KALRN: variants seen among roughly 807,000 people sequenced by gnomAD.
The protein encoded by KALRN is kalirin RhoGEF kinase.
KALRN carries 70 observed loss-of-function variants against 353.7 expected under a neutral mutation model. That is an observed-to-expected ratio of 0.20 (90% confidence interval 0.16 to 0.24). KALRN has a LOEUF of 0.24. Ranked by LOEUF, KALRN falls within the 10% of genes least tolerant of loss-of-function variation. The pLI is 1.00. For synonymous variants in KALRN, 1,391 were observed against 1,434.8 expected, an observed-to-expected ratio of 0.97 and a Z score of 0.69; for missense variants, 2,791 against 3,756.7, an observed-to-expected ratio of 0.74 and a Z score of 6.72.
chr3:124,188,165 C>A (rs542636429), intron 1 of KALRN, among the ~76,000 whole-genome samples: 1 of 152,126 alleles, frequency 6.6e-6, no homozygotes, highest in African/African-American at 2.4e-5. Flanking sequence ...CTTAAACGTA[C>A]GCAAGAATCA....
At chr3:124,199,166 T>G (rs1442976593) in intron 1 of KALRN, among the ~76,000 whole-genome samples, 1 of 152,214 alleles carries the variant, frequency 6.6e-6, no homozygotes, top group Non-Finnish European at 1.5e-5. Context: ...GATACTGCAG[T>G]GCATGCCTGA....
intron 21 of KALRN, among the ~76,000 whole-genome samples, chr3:124,451,998 T>C (rs2058833042): frequency 6.6e-6 from 1 of 152,190 alleles, no homozygotes; most frequent in Non-Finnish European, 1.5e-5. Context: ...TTATTTCTAG[T>C]CCCCTATTTA....
chr3:124,422,393 A>C (rs928950711), intron 14 of KALRN, among the ~76,000 whole-genome samples: 11 of 152,058 alleles, frequency 7.2e-5, no homozygotes, highest in African/African-American at 2.7e-4. Flanking sequence ...TAAAAAAAAA[A>C]GTGTGTCATT....
chr3:124,552,892 A>G lies in KALRN; in HGVS notation c.4936-9951A>G, dbSNP rs182280466. Among the ~76,000 whole-genome samples the G allele has an allele frequency of 2.4e-3, 359 of 152,168 alleles. 2 individuals carry two copies. Among genetic ancestry groups the G allele is most frequent in the African/African-American group, 7.7e-3 (318 of 41,530 alleles). The stretch of plus-strand genomic sequence containing the variant: ...GTGATTCTCCCACCTCAGCCTCCCA[A>G]GTAGCTGGGATTGCAGGCGCCCGCC... On this transcript the variant is annotated intron_variant, in intron 33 of 59. Transcript: ENST00000682506.
chr3:124,269,402 C>T (rs1237645986), intron 5 of KALRN, 147 bp downstream of exon 5: 3 of 806,316 alleles, frequency 3.7e-6, no homozygotes, highest in African/African-American at 3.5e-5. Flanking sequence ...TTTTTTTAAG[C>T]TCACCCTTAT....
At chr3:124,304,690 G>A (rs1349474124) in intron 6 of KALRN, among the ~76,000 whole-genome samples, 1 of 152,178 alleles carries the variant, frequency 6.6e-6, no homozygotes, top group Non-Finnish European at 1.5e-5. Flanking sequence ...AATAAGAACA[G>A]TGAGCCTGTG....
At chr3:124,054,719 C>T (rs2041365520) in intron 1 of KALRN, among the ~76,000 whole-genome samples, 2 of 152,146 alleles carry the variant, frequency 1.3e-5, no homozygotes, top group Non-Finnish European at 2.9e-5. Context: ...ACTATATTGT[C>T]CACTGATGAA....
intron 1 of KALRN, among the ~76,000 whole-genome samples, chr3:124,222,608 G>A (rs961814868): frequency 6.6e-6 from 1 of 152,090 alleles, no homozygotes; most frequent in Non-Finnish European, 1.5e-5. Flanking sequence ...TGTGTGTGTG[G>A]TGGGGGCTGT....
intron 1 of KALRN, among the ~76,000 whole-genome samples, chr3:124,154,256 G>A (rs566582052): frequency 2.0e-5 from 3 of 152,274 alleles, no homozygotes; most frequent in Admixed American, 6.5e-5. Flanking sequence ...GGAAGTTCTG[G>A]CCAGGGCAAT....
chr3:124,170,414 A>C (rs1422244398), intron 1 of KALRN, among the ~76,000 whole-genome samples: 13 of 152,232 alleles, frequency 8.5e-5, no homozygotes, highest in Admixed American at 7.9e-4. Context: ...ACTGAGGCTC[A>C]GAGATGTGAA....
At chr3:124,388,856 A>G (rs2088870827) in intron 11 of KALRN, among the ~76,000 whole-genome samples, 1 of 152,182 alleles carries the variant, frequency 6.6e-6, no homozygotes, top group Non-Finnish European at 1.5e-5. Flanking sequence ...CTCAAGACTC[A>G]TCACCTCTTA....
rs1485404830 is a variant in KALRN, at chr3:124,661,896, A to G, written c.6313A>G (p.Met2105Val). 14 of 1,614,034 alleles carry G rather than the reference A, an allele frequency of 8.7e-6. No homozygotes were observed. Among genetic ancestry groups the G allele is most frequent in the Non-Finnish European group, 1.2e-5 (14 of 1,180,012 alleles). ...CCTTGTTCCCAAACGCTGCAATGAC[A>G]TGATGAATCTAGGACGTCTGCAGGG... The part of the protein sequence containing the change: ...MCLVPKRCND[M>V]MNLGRLQGFE... The change falls in exon 45 of 60, where the codon ATG becomes GTG. Residue 2105 changes from methionine to valine, a missense_variant. This residue lies in a region of KALRN where 1,065 missense variants were observed against 1,156.4 expected (regional missense o/e 0.92). Coordinates refer to ENST00000682506, the MANE Select transcript of KALRN (RefSeq NM_001388419.1).
rs1357868637 is a variant in KALRN at position 124,474,699 on chromosome 3, G to C, written c.4068G>C (p.Leu1356=). ...AAGAGCTGGAGAAGTACGAGCAACTGCCTGAGGATGTGGGACACTGCTTTG... is the reference window on the plus strand; with the variant it reads ...AAGAGCTGGAGAAGTACGAGCAACTCCCTGAGGATGTGGGACACTGCTTTG... ...FLKELEKYEQ[L]PEDVGHCFVT... The change falls in exon 26 of 60, where the codon CTG becomes CTC. Residue 1356 remains leucine, a synonymous_variant. Coordinates refer to ENST00000682506, the MANE Select transcript of KALRN (RefSeq NM_001388419.1). 3 of 1,614,112 alleles carry C rather than the reference G, an allele frequency of 1.9e-6. No homozygotes were observed. The South Asian group carries it at 3.3e-5, about 18-fold the overall frequency.
At chr3:124,129,154 T>G (rs1043710812) in intron 1 of KALRN, among the ~76,000 whole-genome samples, 2 of 152,158 alleles carry the variant, frequency 1.3e-5, no homozygotes, top group Admixed American at 1.3e-4. Context: ...CAGGCAGCTT[T>G]TGTTTGAGGA....
chr3:124,343,430 G>T (rs757401921), intron 9 of KALRN, among the ~76,000 whole-genome samples: 10 of 152,130 alleles, frequency 6.6e-5, no homozygotes, highest in Admixed American at 3.9e-4. Flanking sequence ...AAAGGGACAG[G>T]ATTACAGGCA....
chr3:124,323,564 C>A (rs927728671), intron 6 of KALRN, among the ~76,000 whole-genome samples: 4 of 152,128 alleles, frequency 2.6e-5, no homozygotes, highest in Non-Finnish European at 5.9e-5. Flanking sequence ...CTAGAAAGTT[C>A]TTCCTAAAAG....
intron 21 of KALRN, among the ~76,000 whole-genome samples, chr3:124,450,025 G>A (rs9814073): frequency 0.027 from 4,071 of 152,274 alleles, 190 homozygotes; most frequent in African/African-American, 0.09. Flanking sequence ...AAGTTTTGGC[G>A]TGAACAGATG....
intron 34 of KALRN, among the ~76,000 whole-genome samples, chr3:124,613,375 C>A (rs2078218289): frequency 1.3e-5 from 2 of 152,166 alleles, no homozygotes; most frequent in South Asian, 4.1e-4. Flanking sequence ...CTTTCTCTAG[C>A]AGCTTAGTGG....
intron 5 of KALRN, among the ~76,000 whole-genome samples, chr3:124,271,807 C>T (rs2074193940): frequency 2.6e-5 from 4 of 152,250 alleles, no homozygotes; most frequent in Admixed American, 2.6e-4. Flanking sequence ...GGGGCTCTTT[C>T]TGTGCCATGG....
Sources: gnomAD v4.1 joint callset for allele counts (sites outside exome capture counted in the v4.1 genomes callset) on GRCh38, gnomAD v4.1.1 for gene constraint, gnomAD v4.1.1 regional missense constraint, MANE v1.5 for transcripts, NCBI Gene and HGNC (gene_info 2026-07-23, HGNC 2026-07-21) for gene names.